Variants in ZNF804B observed in about 807,000 individuals in gnomAD.
ZNF804B encodes zinc finger protein 804B.
In ZNF804B, 80 loss-of-function variants were observed where a neutral mutation model predicts 101.4. The ratio of observed to expected loss-of-function variants is 0.79; its 90% CI spans 0.66 to 0.95. The LOEUF (loss-of-function observed/expected upper bound fraction) is 0.95. Among genes scored for constraint, ZNF804B ranks in the 40% least tolerant of loss-of-function variants. The probability of loss-of-function intolerance (pLI) is 0.00; values close to 1 mark genes in which losing one functional copy is unlikely to be tolerated. For missense variants in ZNF804B, 1,673 were observed against 1,561.9 expected (o/e 1.07, Z -1.20); for synonymous variants, 622 against 558.8 (o/e 1.11, Z -1.59).
Position 89,171,343 on chromosome 7 carries a change from C to CTTCTTCTTT in ZNF804B, c.109-46804_109-46803insTTTCTTCTT, listed in dbSNP as rs1562904514. ...TCTTCTTCTTCTTCTTCTTCTTCTT[C>CTTCTTCTTT]TTCTTCTTCTTCTTCCTCCTCTTCC... On this transcript the variant is annotated intron_variant, in intron 1 of 3. Transcript: ENST00000333190. Among the ~76,000 whole-genome samples, 74 of 132,376 alleles carry CTTCTTCTTT rather than the reference C, an allele frequency of 5.6e-4. 2 individuals are homozygous for CTTCTTCTTT. Among genetic ancestry groups the CTTCTTCTTT allele is most frequent in the African/African-American group, 1.7e-3 (60 of 35,190 alleles). 86.8% of individuals were successfully genotyped at this position (132,376 alleles called of 152,430 possible). A position where few individuals can be genotyped will look rare whatever the true frequency, so the allele number is the denominator to read the frequency against.
chr7:88,852,747 C>T (rs1308558192), intron 1 of ZNF804B, among the ~76,000 whole-genome samples: 1 of 152,074 alleles, frequency 6.6e-6, no homozygotes, highest in Non-Finnish European at 1.5e-5. Context: ...TTTATTTTTG[C>T]AGGTGAGAAA....
At chr7:89,133,608 CAA>C (rs1250090080) in intron 1 of ZNF804B, among the ~76,000 whole-genome samples, 1 of 152,008 alleles carries the variant, frequency 6.6e-6, no homozygotes, top group Non-Finnish European at 1.5e-5. Context: ...GTGTTCCATA[CAA>C]AAGTCACTTA....
At chr7:89,306,202 A>T (rs899762961) in intron 2 of ZNF804B, among the ~76,000 whole-genome samples, 1 of 152,048 alleles carries the variant, frequency 6.6e-6, no homozygotes, top group African/African-American at 2.4e-5. Flanking sequence ...ATTACAAATT[A>T]CAGTTAATTG....
At chr7:89,266,563 A>G (rs1789799654) in intron 2 of ZNF804B, among the ~76,000 whole-genome samples, 1 of 152,192 alleles carries the variant, frequency 6.6e-6, no homozygotes, top group Non-Finnish European at 1.5e-5. Context: ...AGTGGCAAGT[A>G]CAGTTCAAGT....
intron 1 of ZNF804B, among the ~76,000 whole-genome samples, chr7:88,951,591 G>A (rs1793224512): frequency 1.3e-5 from 2 of 151,894 alleles, no homozygotes; most frequent in Non-Finnish European, 2.9e-5. Context: ...CTTACTTTCT[G>A]TTGCAAAAAT....
chr7:89,242,837 T>C (rs1477494895), intron 2 of ZNF804B, among the ~76,000 whole-genome samples: 1 of 151,872 alleles, frequency 6.6e-6, no homozygotes, highest in East Asian at 1.9e-4. Context: ...ATACAAAGCA[T>C]ATTAGTTTAA....
chr7:89,307,780 T>A (rs1249639019), intron 2 of ZNF804B, among the ~76,000 whole-genome samples: 2 of 152,176 alleles, frequency 1.3e-5, no homozygotes, highest in African/African-American at 4.8e-5. Flanking sequence ...GTTTTTATAG[T>A]TCAGAAAATG....
chr7:89,197,292 G>A (rs1254780598), intron 1 of ZNF804B, among the ~76,000 whole-genome samples: 1 of 151,820 alleles, frequency 6.6e-6, no homozygotes, highest in Non-Finnish European at 1.5e-5. Context: ...GAACAAAAAG[G>A]CCTCAGTGCC....
chr7:89,086,996 A>G (rs532995985), intron 1 of ZNF804B, among the ~76,000 whole-genome samples: 1 of 151,892 alleles, frequency 6.6e-6, no homozygotes, highest in East Asian at 1.9e-4. Context: ...ATAAAAAAAA[A>G]TTGTAGTGCC....
intron 1 of ZNF804B, among the ~76,000 whole-genome samples, chr7:89,044,236 A>G (rs1373911764): frequency 6.6e-6 from 1 of 152,180 alleles, no homozygotes; most frequent in African/African-American, 2.4e-5. Context: ...TCCTGCCATC[A>G]TGTGAAGAAG....
intron 2 of ZNF804B, among the ~76,000 whole-genome samples, chr7:89,299,912 A>G (rs914454498): frequency 6.6e-6 from 1 of 151,966 alleles, no homozygotes; most frequent in Admixed American, 6.6e-5. Context: ...GAAATAAATG[A>G]TTTGTCTTGG....
At chr7:89,239,113 C>T (rs1484670330) in intron 2 of ZNF804B, among the ~76,000 whole-genome samples, 1 of 152,048 alleles carries the variant, frequency 6.6e-6, no homozygotes, top group Non-Finnish European at 1.5e-5. Flanking sequence ...AATGCTAGTT[C>T]AGGGAGCCCT....
intron 2 of ZNF804B, among the ~76,000 whole-genome samples, chr7:89,285,394 G>T (rs1343578482): frequency 1.3e-5 from 2 of 150,904 alleles, no homozygotes; most frequent in Non-Finnish European, 3.0e-5. Context: ...ATGGTGGCGG[G>T]TGCCTGTAGT....
intron 2 of ZNF804B, among the ~76,000 whole-genome samples, chr7:89,292,562 C>CA (rs1790313037): frequency 6.6e-6 from 1 of 151,444 alleles, no homozygotes. Flanking sequence ...AACAAATACA[C>CA]AAAAAATAGA....
intron 1 of ZNF804B, among the ~76,000 whole-genome samples, chr7:88,926,432 C>A (rs868684385): frequency 7.8e-4 from 105 of 134,958 alleles, no homozygotes; most frequent in Middle Eastern, 3.8e-3. Flanking sequence ...ATTAAAAATA[C>A]AAAAAAAAAA....
chr7:89,102,435 A>G (rs1412089247), intron 1 of ZNF804B, among the ~76,000 whole-genome samples: 1 of 152,000 alleles, frequency 6.6e-6, no homozygotes, highest in Non-Finnish European at 1.5e-5. Flanking sequence ...TTCTCTGGTT[A>G]GTAATGTTGA....
intron 1 of ZNF804B, among the ~76,000 whole-genome samples, chr7:88,888,291 T>G (rs1184343523): frequency 2.6e-5 from 4 of 151,640 alleles, no homozygotes. Context: ...ACTTGGGAGG[T>G]TGAGGCAAGA....
intron 1 of ZNF804B, among the ~76,000 whole-genome samples, chr7:88,902,535 G>A (rs1468115059): frequency 2.6e-5 from 4 of 151,772 alleles, no homozygotes; most frequent in African/African-American, 9.7e-5. Context: ...TTTCTTTCCT[G>A]AATAAATACA....
chr7:89,135,104 G>A (rs2040677), intron 1 of ZNF804B, among the ~76,000 whole-genome samples: 43,621 of 151,920 alleles, frequency 0.29, 6,803 homozygotes, highest in East Asian at 0.58. Flanking sequence ...TTAATGAACT[G>A]TTTCAAAGCG....
Sources: gnomAD v4.1 joint callset for allele counts (sites outside exome capture counted in the v4.1 genomes callset) on GRCh38, gnomAD v4.1.1 for gene constraint, MANE v1.5 for transcripts, NCBI Gene and HGNC (gene_info 2026-07-23, HGNC 2026-07-21) for gene names.